The following NCK1 variants were observed in gnomAD, a reference collection of about 807,000 sequenced individuals.
The protein encoded by NCK1 is NCK adaptor protein 1.
Under a neutral mutation model 36.6 loss-of-function variants are expected in NCK1, and 19 were observed. That is an observed-to-expected ratio of 0.52 (90% CI 0.36 to 0.76). The LOEUF (loss-of-function observed/expected upper bound fraction) is 0.76, where lower values mean the gene tolerates loss of function less well. Ranked by LOEUF, NCK1 falls within the 30% of genes least tolerant of loss-of-function variation. NCK1 has a pLI of 0.00. For missense variants in NCK1, 358 were observed against 445.6 expected (o/e 0.80, Z 1.77); for synonymous variants, 165 against 156.0 (o/e 1.06, Z -0.43).
At chr3:136,865,338 G>A (rs1005623239) in intron 1 of NCK1, among the ~76,000 whole-genome samples, 6 of 152,116 alleles carry the variant, frequency 3.9e-5, no homozygotes, top group East Asian at 1.9e-4. Flanking sequence ...GCCCACCTCC[G>A]CCTCCCAAAG....
intron 2 of NCK1, among the ~76,000 whole-genome samples, chr3:136,933,969 A>G (rs1940458196): frequency 6.6e-6 from 1 of 152,042 alleles, no homozygotes; most frequent in African/African-American, 2.4e-5. Context: ...CAGCCTCCCA[A>G]AGTGCTGGGA....
At chr3:136,926,251 A>T (rs1560049246) in intron 1 of NCK1, among the ~76,000 whole-genome samples, 6 of 151,232 alleles carry the variant, frequency 4.0e-5, no homozygotes, top group Admixed American at 2.6e-4. Flanking sequence ...TCTTTTTAAA[A>T]TTTTATTTTA....
At chr3:136,938,572 G>T (rs1940594271) in intron 2 of NCK1, among the ~76,000 whole-genome samples, 1 of 152,040 alleles carries the variant, frequency 6.6e-6, no homozygotes, top group Admixed American at 6.6e-5. Flanking sequence ...GTTTAAAATG[G>T]CCCCCAAGCA....
At chr3:136,870,298 T>G (rs1324032757) in intron 1 of NCK1, among the ~76,000 whole-genome samples, 3 of 150,976 alleles carry the variant, frequency 2.0e-5, no homozygotes, top group Non-Finnish European at 2.9e-5. Flanking sequence ...GCCGAGATCA[T>G]GCCACTGCAC....
intron 1 of NCK1, among the ~76,000 whole-genome samples, chr3:136,887,149 C>A (rs1287245530): frequency 1.3e-5 from 2 of 152,070 alleles, no homozygotes; most frequent in African/African-American, 4.8e-5. Flanking sequence ...CAGCCCCTAT[C>A]TTTTATATTG....
At position 136,896,308 on chromosome 3, in the gene NCK1, A is replaced by G. The variant is rs953522635; in HGVS notation, c.-18-31676A>G. ...TACCTACCACCCATGTACCCTTCTC[A>G]GATTTTGGTGTCTGTCATTCTACTG... On this transcript the variant is annotated intron_variant, in intron 1 of 3. Transcript: ENST00000481752. Among the ~76,000 whole-genome samples, 9 of 152,230 alleles carry G rather than the reference A, an allele frequency of 5.9e-5. No homozygotes were observed. The Middle Eastern group carries it at 0.017, about 288-fold the overall frequency.
intron 2 of NCK1, among the ~76,000 whole-genome samples, chr3:136,929,151 T>G (rs1441766153): frequency 6.6e-6 from 1 of 152,198 alleles, no homozygotes; most frequent in Non-Finnish European, 1.5e-5. Context: ...CAGGCCAAAC[T>G]TGAACTCCTG....
In NCK1 at chr3:136,928,126, G is replaced by A. The variant is rs1195839831; in HGVS notation, c.125G>A (p.Arg42Gln). ...LDDSKSWWRV[R>Q]NSMNKTGFVP... is the part of the protein sequence containing the mutation. ...GATTCTAAGTCCTGGTGGCGAGTTC[G>A]AAATTCCATGAATAAAACAGGTTTT... is the stretch of plus-strand genomic sequence containing the variant. Residue 42 changes from arginine (R) to glutamine (Q), a missense_variant, in exon 2 of 4, where the codon CGA becomes CAA. This residue lies in a region of NCK1 where 143 missense variants were observed against 162.4 expected (regional missense o/e 0.88). Coordinates refer to ENST00000481752, the MANE Select transcript of NCK1 (RefSeq NM_001291999.2). The A allele has an allele frequency of 6.8e-6, 11 of 1,614,102 alleles. No homozygotes were observed. The highest frequency in any genetic ancestry group is 9.3e-6 in the Non-Finnish European group (11 of 1,179,996).
Position 136,872,018 on chromosome 3 carries a change from G to T in NCK1, c.-19+9665G>T, listed in dbSNP as rs142860288. Among the ~76,000 whole-genome samples, 152 of 152,278 alleles carry T rather than the reference G, an allele frequency of 1.0e-3. 3 individuals carry two copies. In the East Asian group the frequency reaches 0.028, roughly 28 times the overall value. ...TGTCTTTATCAGCAGCATGAAAACAGATTAATACAGTAAATTGGTACCAGT... is the reference window on the plus strand; with the variant it reads ...TGTCTTTATCAGCAGCATGAAAACATATTAATACAGTAAATTGGTACCAGT... On this transcript the variant is annotated intron_variant, in intron 1 of 3. Coordinates refer to ENST00000481752, the MANE Select transcript of NCK1 (RefSeq NM_001291999.2).
At chr3:136,898,355 C>T (rs1939443197) in intron 1 of NCK1, among the ~76,000 whole-genome samples, 1 of 148,362 alleles carries the variant, frequency 6.7e-6, no homozygotes, top group South Asian at 2.1e-4. Flanking sequence ...TGAGATCGTG[C>T]CAGCCTGGGT....
chr3:136,923,294 G>A lies in NCK1; in HGVS notation c.-18-4690G>A, dbSNP rs150274722. Among the ~76,000 whole-genome samples, 1,039 of 123,838 alleles carry A rather than the reference G, an allele frequency of 8.4e-3. 4 individuals carry two copies. Among genetic ancestry groups the A allele is most frequent in the Non-Finnish European group, 0.014 (789 of 58,036 alleles). The allele number at this position is 123,838 out of a possible 152,430, so 81.2% of individuals were successfully genotyped here. On this transcript the variant is annotated intron_variant, in intron 1 of 3. Transcript: ENST00000481752. ...GTCCAGGCCGGGCGCGGTGGCTCAC[G>A]CCTGTAATCCCAGCACTTTGGGAGG...
At chr3:136,912,166 T>TC (rs925104567) in intron 1 of NCK1, among the ~76,000 whole-genome samples, 2 of 84,012 alleles carry the variant, frequency 2.4e-5, no homozygotes, top group Non-Finnish European at 3.0e-5. Flanking sequence ...TTTTTTCTTT[T>TC]TTTTTTTTTT....
At chr3:136,869,539 T>C (rs1560029612) in intron 1 of NCK1, among the ~76,000 whole-genome samples, 1 of 152,118 alleles carries the variant, frequency 6.6e-6, no homozygotes, top group Admixed American at 6.5e-5. Flanking sequence ...AGCGAGATTG[T>C]CTCAAAAGAA....
In NCK1 at chr3:136,879,148, T is replaced by G. The variant is rs140577754; in HGVS notation, c.-19+16795T>G. ...CAGAACAACAAAAAAAAAGGCTCAG[T>G]AGAACAGTCAATAGAAAAGTTGAAG... is the stretch of plus-strand genomic sequence containing the variant. On this transcript the variant is annotated intron_variant, in intron 1 of 3. Coordinates refer to ENST00000481752, the MANE Select transcript of NCK1 (RefSeq NM_001291999.2). 2.9e-3 allele frequency among the ~76,000 whole-genome samples: 430 copies of G among 148,546 alleles called. 3 individuals are homozygous for G. Among genetic ancestry groups the G allele is most frequent in the African/African-American group, 0.01 (411 of 40,828 alleles).
At chr3:136,868,796 TATC>T (rs1198854879) in intron 1 of NCK1, among the ~76,000 whole-genome samples, 1 of 152,196 alleles carries the variant, frequency 6.6e-6, no homozygotes, top group Non-Finnish European at 1.5e-5. Flanking sequence ...CTGGAGGGCT[TATC>T]ATATAACTAA....
chr3:136,912,550 CTCAAG>C (rs1400818676), intron 1 of NCK1, among the ~76,000 whole-genome samples: 2 of 151,214 alleles, frequency 1.3e-5, no homozygotes, highest in Non-Finnish European at 2.9e-5. Flanking sequence ...CTTCTGCCTG[CTCAAG>C]TCTTTATTCA....
intron 1 of NCK1, among the ~76,000 whole-genome samples, chr3:136,887,197 T>G (rs1425383434): frequency 1.3e-5 from 2 of 152,192 alleles, no homozygotes; most frequent in Non-Finnish European, 2.9e-5. Flanking sequence ...CACTGTGTTT[T>G]CCAGACTGGA....
At chr3:136,943,970 G>A (rs573020085) in intron 2 of NCK1, among the ~76,000 whole-genome samples, 1 of 152,084 alleles carries the variant, frequency 6.6e-6, no homozygotes, top group Non-Finnish European at 1.5e-5. Context: ...TGATTTGACA[G>A]TAAGGAGAGA....
At chr3:136,884,334 A>G (rs1041635041) in intron 1 of NCK1, among the ~76,000 whole-genome samples, 9 of 152,178 alleles carry the variant, frequency 5.9e-5, no homozygotes, top group African/African-American at 2.2e-4. Flanking sequence ...AAAGTTCTGA[A>G]ATGTTACCTT....
Sources: gnomAD v4.1 joint callset for allele counts (sites outside exome capture counted in the v4.1 genomes callset) on GRCh38, gnomAD v4.1.1 for gene constraint, gnomAD v4.1.1 regional missense constraint, MANE v1.5 for transcripts, NCBI Gene and HGNC (gene_info 2026-07-23, HGNC 2026-07-21) for gene names.